Variants in FNDC3B observed in about 807,000 individuals in gnomAD.
The protein encoded by FNDC3B is fibronectin type III domain containing 3B.
Under a neutral mutation model 151.5 loss-of-function variants are expected in FNDC3B, and 12 were observed. That is an observed-to-expected ratio of 0.08 (90% confidence interval 0.05 to 0.13). FNDC3B has a LOEUF of 0.13. Among genes scored for constraint, FNDC3B ranks in the 10% least tolerant of loss-of-function variants. The probability of loss-of-function intolerance (pLI) is 1.00; values close to 1 mark genes in which losing one functional copy is unlikely to be tolerated. For missense variants in FNDC3B, 1,214 were observed against 1,505.3 expected (o/e 0.81, Z 3.20); for synonymous variants, 528 against 549.0 (o/e 0.96, Z 0.54).
At chr3:172,364,606 G>A (rs1429998392) in intron 23 of FNDC3B, among the ~76,000 whole-genome samples, 1 of 152,230 alleles carries the variant, frequency 6.6e-6, no homozygotes, top group African/African-American at 2.4e-5. Flanking sequence ...ATACAAATGT[G>A]TAGTCTGATC....
rs757951908 is a variant in FNDC3B, at chr3:172,298,734, A to C, written c.1008A>C (p.Glu336Asp). The C allele has an allele frequency of 2.5e-6, 4 of 1,604,470 alleles. No individual in the cohort carries two copies. Among genetic ancestry groups the C allele is most frequent in the South Asian group, 2.2e-5 (2 of 89,000 alleles). ...DGKYKIIYSG[E>D]ELECNLKDLR... ...GAATGCTTTTTCTTTACAGTGGAGA[A>C]GAATTAGAATGTAACCTGAAAGATC... The change falls in exon 9 of 26, where the codon GAA becomes GAC. Residue 336 changes from glutamate to aspartate, a missense_variant. Physicochemically the swap from Glu to Asp is conservative, Grantham distance 45. This residue lies in a region of FNDC3B where 156 missense variants were observed against 225.3 expected (regional missense o/e 0.69). Transcript: ENST00000415807.
At chr3:172,062,460 T>C (rs1490568777) in intron 1 of FNDC3B, among the ~76,000 whole-genome samples, 1 of 152,036 alleles carries the variant, frequency 6.6e-6, no homozygotes. Flanking sequence ...GACAGATGTG[T>C]GCTACCACGC....
intron 2 of FNDC3B, among the ~76,000 whole-genome samples, chr3:172,123,546 G>T (rs770152403): frequency 2.6e-5 from 4 of 152,172 alleles, no homozygotes; most frequent in Non-Finnish European, 4.4e-5. Flanking sequence ...GTGTTGAGTT[G>T]TCATTCTAGT....
At chr3:172,345,189 A>G (rs887373822) in intron 19 of FNDC3B, among the ~76,000 whole-genome samples, 8 of 152,254 alleles carry the variant, frequency 5.3e-5, no homozygotes, top group Non-Finnish European at 1.2e-4. Flanking sequence ...TAATTCTCCA[A>G]TAGAAAAGAA....
At chr3:172,289,015 C>G (rs1295023453) in intron 7 of FNDC3B, among the ~76,000 whole-genome samples, 1 of 152,172 alleles carries the variant, frequency 6.6e-6, no homozygotes, top group Non-Finnish European at 1.5e-5. Context: ...TTTCCTATTG[C>G]TGCTGTAATG....
chr3:172,053,402 T>G (rs1716764876), intron 1 of FNDC3B, among the ~76,000 whole-genome samples: 1 of 152,236 alleles, frequency 6.6e-6, no homozygotes, highest in African/African-American at 2.4e-5. Context: ...AGTGTCTGTG[T>G]TCCCAGGTGG....
intron 3 of FNDC3B, among the ~76,000 whole-genome samples, chr3:172,222,562 G>C (rs998654598): frequency 1.3e-5 from 2 of 152,168 alleles, no homozygotes; most frequent in African/African-American, 4.8e-5. Flanking sequence ...TGGGGGTGAG[G>C]GGGGCTGTTT....
At chr3:172,230,520 C>G (rs1032176122) in intron 4 of FNDC3B, among the ~76,000 whole-genome samples, 3 of 148,850 alleles carry the variant, frequency 2.0e-5, no homozygotes, top group African/African-American at 2.5e-5. Context: ...AAAAAAAGAA[C>G]AACAACAACA....
chr3:172,116,756 G>A lies in FNDC3B; in HGVS notation c.111+4166G>A, dbSNP rs1486433902. On this transcript the variant is annotated intron_variant, in intron 2 of 25. Transcript: ENST00000415807. ...AATTTTTGTATTTTTAGTAGAGATG[G>A]CATTTCACCATGTTGGCCAGGATGG... Among the ~76,000 whole-genome samples the A allele has an allele frequency of 2.6e-5, 4 of 151,982 alleles. No individual in the cohort carries two copies. In the East Asian group the frequency reaches 7.7e-4, roughly 29 times the overall value.
chr3:172,244,276 C>T (rs557029053), intron 4 of FNDC3B, among the ~76,000 whole-genome samples: 1 of 152,286 alleles, frequency 6.6e-6, no homozygotes, highest in Admixed American at 6.5e-5. Flanking sequence ...TTTGTCTTTT[C>T]CTTAGTCGTC....
chr3:172,108,176 GA>G (rs374220718), intron 1 of FNDC3B, among the ~76,000 whole-genome samples: 4,411 of 135,442 alleles, frequency 0.033, 190 homozygotes, highest in African/African-American at 0.11. Context: ...TCAAAAAAAA[GA>G]AAAAAAAAAA....
chr3:172,333,011 A>G (rs1270949215), intron 13 of FNDC3B, 78 bp from the exon 14 acceptor site: 2 of 896,620 alleles, frequency 2.2e-6, no homozygotes, highest in Non-Finnish European at 3.8e-6. Flanking sequence ...GAAAGGCAGT[A>G]TAAAAATCCT....
intron 3 of FNDC3B, among the ~76,000 whole-genome samples, chr3:172,203,129 A>G (rs1221396272): frequency 3.9e-5 from 6 of 152,242 alleles, no homozygotes; most frequent in African/African-American, 1.4e-4. Context: ...GGGAATGAAT[A>G]CTTAGCAATA....
intron 3 of FNDC3B, among the ~76,000 whole-genome samples, chr3:172,185,440 C>G (rs1189641737): frequency 8.2e-6 from 1 of 121,636 alleles, no homozygotes; most frequent in Non-Finnish European, 1.7e-5. Context: ...CACTATAAAC[C>G]AGAGCATTTC....
In FNDC3B at chr3:172,249,140, T is replaced by C. The variant is rs181751211; in HGVS notation, c.508+1364T>C. ...ATGTATTCAGTGCTTTGACTCAACATGCATTAAATAATTGAGTGTTTCTTA... is the reference window on the plus strand; with the variant it reads ...ATGTATTCAGTGCTTTGACTCAACACGCATTAAATAATTGAGTGTTTCTTA... On this transcript the variant is annotated intron_variant, in intron 5 of 25. Transcript: ENST00000415807. Among the ~76,000 whole-genome samples the C allele has an allele frequency of 1.8e-3, 278 of 152,290 alleles. 2 individuals carry two copies. Among genetic ancestry groups the C allele is most frequent in the Middle Eastern group, 3.4e-3 (1 of 294 alleles).
At chr3:172,069,868 C>A (rs189062876) in intron 1 of FNDC3B, among the ~76,000 whole-genome samples, 4 of 152,236 alleles carry the variant, frequency 2.6e-5, no homozygotes, top group Admixed American at 6.5e-5. Context: ...ACCGTATTTC[C>A]AAATCTGTTT....
intron 6 of FNDC3B, among the ~76,000 whole-genome samples, chr3:172,257,442 T>C (rs1728408370): frequency 6.6e-6 from 1 of 152,122 alleles, no homozygotes; most frequent in Non-Finnish European, 1.5e-5. Flanking sequence ...AATGAACAGG[T>C]GAGTTACAGT....
At chr3:172,262,578 C>A (rs1213712905) in intron 6 of FNDC3B, among the ~76,000 whole-genome samples, 1 of 151,170 alleles carries the variant, frequency 6.6e-6, no homozygotes, top group African/African-American at 2.5e-5. Context: ...TGCTTAAAAA[C>A]TGGAAATTGA....
chr3:172,091,873 GGTGTGTGT>G (rs377450281), intron 1 of FNDC3B, among the ~76,000 whole-genome samples: 7 of 124,818 alleles, frequency 5.6e-5, no homozygotes, highest in Admixed American at 1.7e-4. Flanking sequence ...ACTTTACTGG[GGTGTGTGT>G]GTGTGTGTGT....
Sources: allele counts gnomAD v4.1 joint callset (sites outside exome capture counted in the v4.1 genomes callset), GRCh38; gene constraint gnomAD v4.1.1; regional missense constraint gnomAD v4.1.1; transcripts MANE v1.5; gene names NCBI Gene and HGNC (gene_info 2026-07-23, HGNC 2026-07-21).